HRH3: variants seen among roughly 807,000 people sequenced by gnomAD.
HRH3 encodes histamine H3 receptor.
Under a neutral mutation model 21.6 loss-of-function variants are expected in HRH3, and 13 were observed. That is an observed-to-expected ratio of 0.60 (90% CI 0.39 to 0.96). HRH3 has a LOEUF of 0.96. Ranked by LOEUF, HRH3 falls within the 40% of genes least tolerant of loss-of-function variation. The pLI is 0.00. For synonymous variants in HRH3, 276 were observed against 290.3 expected, an observed-to-expected ratio of 0.95 and a Z score of 0.50; for missense variants, 461 against 622.7, an observed-to-expected ratio of 0.74 and a Z score of 2.76.
Position 62,219,651 on chromosome 20 carries a change from T to G in HRH3, c.250+70A>C. The G allele has an allele frequency of 2.0e-6, 3 of 1,528,050 alleles. No individual in the cohort carries two copies. The South Asian group carries it at 3.6e-5, about 18-fold the overall frequency. The allele number at this position is 1,528,050 out of a possible 1,614,324, so 94.7% of individuals were successfully genotyped here. On this transcript the variant is annotated intron_variant, in intron 1 of 2. Transcript: ENST00000340177. This position sits in a 1 kb window ranked among gnomAD's most constrained non-coding sequence, Gnocchi z 8.7. ...CCTGCGGGAGCCACCCAGGTCCGTG[T>G]TCCAGTCCCCGCTGGCCCGGCCACG... is the stretch of plus-strand genomic sequence containing the variant.
Position 62,216,809 on chromosome 20 carries a change from C to A in HRH3, c.535G>T (p.Gly179Trp). The change falls in exon 3 of 3, where the codon GGG (glycine) becomes TGG (tryptophan). Residue 179 changes from glycine (G) to tryptophan (W), a missense_variant. Physicochemically the swap from Gly to Trp is radical, Grantham distance 184. Transcript: ENST00000340177. Reference sequence around the variant, plus strand: ...TGGCCCTCGGGGATGGAGCTGCCCCCGGACAGGTACTCCCAGCTCAGGATG... The same window carrying A: ...TGGCCCTCGGGGATGGAGCTGCCCCAGGACAGGTACTCCCAGCTCAGGATG... Reference protein sequence around the residue: ...PAILSWEYLSGGSSIPEGHCY... With the variant: ...PAILSWEYLSWGSSIPEGHCY... The A allele has an allele frequency of 6.2e-7, 1 of 1,612,988 alleles. No individual in the cohort carries two copies. The highest frequency in any genetic ancestry group is 8.5e-7 in the Non-Finnish European group (1 of 1,179,988).
intron 2 of HRH3, among the ~76,000 whole-genome samples, chr20:62,217,879 CTCT>C (rs2145889016): frequency 6.6e-6 from 1 of 152,352 alleles, no homozygotes; most frequent in African/African-American, 2.4e-5. Flanking sequence ...TGCACCCTGT[CTCT>C]TAGCCTTTCT....
chr20:62,215,344 G>C lies in HRH3; in HGVS notation c.*662C>G, dbSNP rs754825748. Reference sequence around the variant, plus strand: ...CAGCCCTGAGCTCCTCAGCAATTTTGTCTCTCTTGATTAAACATCCCAGGA... The same window carrying C: ...CAGCCCTGAGCTCCTCAGCAATTTTCTCTCTCTTGATTAAACATCCCAGGA... On this transcript the variant is annotated 3_prime_UTR_variant, in exon 3 of 3. Coordinates refer to ENST00000340177, the MANE Select transcript of HRH3 (RefSeq NM_007232.3). The C allele has an allele frequency of 2.2e-6, 1 of 456,804 alleles. No individual in the cohort carries two copies. The highest frequency in any genetic ancestry group is 4.4e-6 in the Non-Finnish European group (1 of 227,006). 28.3% of individuals were successfully genotyped at this position (456,804 alleles called of 1,614,324 possible). A position where few individuals can be genotyped will look rare whatever the true frequency, so the allele number is the denominator to read the frequency against.
chr20:62,218,641 T>C lies in HRH3; in HGVS notation c.267A>G (p.Pro89=), dbSNP rs775684112. The change falls in exon 2 of 3, where the codon CCA becomes CCG. Residue 89 remains proline (P), a synonymous_variant. Transcript: ENST00000340177. The surrounding 1 kb of genome is among the most constrained non-coding windows in gnomAD (Gnocchi z 5.6). ...SDFLVGAFCI[P]LYVPYVLTGR... ...CTGTCAGCACGTAGGGTACATACAG[T>C]GGGATGCAGAAGGCGCCTGTGGGGA... 1 of 1,611,520 alleles carries C rather than the reference T, an allele frequency of 6.2e-7. No homozygotes were observed. Among genetic ancestry groups the C allele is most frequent in the Non-Finnish European group, 8.5e-7 (1 of 1,179,694 alleles).
Position 62,218,704 on chromosome 20 carries a change from G to A in HRH3, c.251-47C>T. The stretch of plus-strand genomic sequence containing the variant: ...TGGGACCATGCAGCCAGGGGCCAGG[G>A]GACAGACGGACCTAAGCGCAGACAC... On this transcript the variant is annotated intron_variant, in intron 1 of 2. Transcript: ENST00000340177. The surrounding 1 kb of genome is among the most constrained non-coding windows in gnomAD (Gnocchi z 5.6). 1 of 1,583,642 alleles carries A rather than the reference G, an allele frequency of 6.3e-7. No individual in the cohort carries two copies. The highest frequency in any genetic ancestry group is 1.1e-5 in the South Asian group (1 of 89,972).
rs931714326 is a variant in HRH3 at position 62,220,259 on chromosome 20, C to G, written c.-289G>C. ...TGCCGGTGCGACCGTGCAGCCGGAG[C>G]GCAACGCGCAGCCGAGTGCGCCCCG... On this transcript the variant is annotated 5_prime_UTR_variant, in exon 1 of 3. Transcript: ENST00000340177. 9.4e-5 allele frequency: 14 copies of G among 149,490 alleles called. No homozygotes were observed. The highest frequency in any genetic ancestry group is 3.2e-4 in the African/African-American group (13 of 40,902). The allele number at this position is 149,490 out of a possible 1,614,324, so 9.3% of individuals were successfully genotyped here.
Position 62,216,529 on chromosome 20 carries a change from A to G in HRH3, c.815T>C (p.Leu272Pro). The G allele has an allele frequency of 6.2e-7, 1 of 1,600,124 alleles. No homozygotes were observed. Among genetic ancestry groups the G allele is most frequent in the Non-Finnish European group, 8.5e-7 (1 of 1,174,636 alleles). ...WQKGHGEAMP[L>P]HRYGVGEAAV... Reference sequence around the variant, plus strand: ...CGCCTCACCCACCCCATACCTGTGCAGCGGCATGGCCTCCCCGTGCCCCTT... The same window carrying G: ...CGCCTCACCCACCCCATACCTGTGCGGCGGCATGGCCTCCCCGTGCCCCTT... Residue 272 changes from leucine to proline, a missense_variant, in exon 3 of 3, where the codon CTG (leucine) becomes CCG (proline). By Grantham distance (98) the Leu-to-Pro change is moderately conservative. This residue lies in a region of HRH3 where 163 missense variants were observed against 139.4 expected (regional missense o/e 1.17). Transcript: ENST00000340177.
Position 62,216,617 on chromosome 20 carries a change from C to T in HRH3, c.727G>A (p.Glu243Lys), listed in dbSNP as rs200665689. 18 of 1,610,554 alleles carry T rather than the reference C, an allele frequency of 1.1e-5. No individual in the cohort carries two copies. Among genetic ancestry groups the T allele is most frequent in the Middle Eastern group, 1.6e-4 (1 of 6,076 alleles). ...LDGAREAAGPEPPPEAQPSPP... is the reference protein window; with the variant it reads ...LDGAREAAGPKPPPEAQPSPP... The stretch of plus-strand genomic sequence containing the variant: ...GAGGGCTGGGCCTCGGGAGGGGGCT[C>T]GGGGCCGGCTGCCTCTCGAGCCCCA... Residue 243 changes from glutamate (E) to lysine (K), a missense_variant, in exon 3 of 3, where the codon GAG becomes AAG. This residue lies in a region of HRH3 where 163 missense variants were observed against 139.4 expected (regional missense o/e 1.17). Transcript: ENST00000340177.
Position 62,217,012 on chromosome 20 carries a change from C to T in HRH3, c.418-86G>A, listed in dbSNP as rs1978596969. ...CGTAGCCTGTGGGCCCCTATGTGGG[C>T]CCTTCCCTCAGCAGCAATGCTCCTC... On this transcript the variant is annotated intron_variant, in intron 2 of 2. Transcript: ENST00000340177. The T allele has an allele frequency of 3.1e-6, 4 of 1,300,770 alleles. No homozygotes were observed. In the South Asian group the frequency reaches 5.9e-5, roughly 19 times the overall value. 80.6% of individuals were successfully genotyped at this position (1,300,770 alleles called of 1,614,324 possible). A position where few individuals can be genotyped will look rare whatever the true frequency, so the allele number is the denominator to read the frequency against.
Position 62,219,590 on chromosome 20 carries a change from C to A in HRH3, c.250+131G>T. On this transcript the variant is annotated intron_variant, in intron 1 of 2. Transcript: ENST00000340177. This position sits in a 1 kb window ranked among gnomAD's most constrained non-coding sequence, Gnocchi z 8.7. Reference sequence around the variant, plus strand: ...CCCCCACCCCATGGGCTCCGGACGCCCCCTTCCCAGGCCGGGTCCCCTGGT... The same window carrying A: ...CCCCCACCCCATGGGCTCCGGACGCACCCTTCCCAGGCCGGGTCCCCTGGT... 8.2e-7 allele frequency: 1 copy of A among 1,216,712 alleles called. No individual in the cohort carries two copies. Among genetic ancestry groups the A allele is most frequent in the Non-Finnish European group, 1.1e-6 (1 of 901,456 alleles). The allele number at this position is 1,216,712 out of a possible 1,614,324, so 75.4% of individuals were successfully genotyped here. A position where few individuals can be genotyped will look rare whatever the true frequency, so the allele number is the denominator to read the frequency against.
Position 62,219,305 on chromosome 20 carries a change from T to G in HRH3, c.250+416A>C, listed in dbSNP as rs1213127204. 1.3e-5 allele frequency among the ~76,000 whole-genome samples: 1 copy of G among 75,484 alleles called. No homozygotes were observed. The highest frequency in any genetic ancestry group is 2.6e-5 in the Non-Finnish European group (1 of 38,658). The allele number at this position is 75,484 out of a possible 152,430, so 49.5% of individuals were successfully genotyped here. ...CGAGCGTCTCCCCCAACCCCCACCTTCCCCACCGTCCCTTCCCCCAACACA... is the reference window on the plus strand; with the variant it reads ...CGAGCGTCTCCCCCAACCCCCACCTGCCCCACCGTCCCTTCCCCCAACACA... On this transcript the variant is annotated intron_variant, in intron 1 of 2. Transcript: ENST00000340177. The surrounding 1 kb of genome is among the most constrained non-coding windows in gnomAD (Gnocchi z 8.7).
intron 2 of HRH3, 40 bp from the exon 3 acceptor site, chr20:62,216,966 ATATTGGGCT>A (rs1978594518): frequency 6.5e-7 from 1 of 1,536,678 alleles, no homozygotes; most frequent in East Asian, 2.3e-5. Context: ...GGCGGAAGGA[ATATTGGGCT>A]GGGTGCGCCC....
At position 62,216,366 on chromosome 20, in the gene HRH3, C is replaced by G. The variant is rs3787430; in HGVS notation, c.978G>C (p.Pro326=). 3.2e-6 allele frequency: 5 copies of G among 1,571,410 alleles called. No individual in the cohort carries two copies. Among genetic ancestry groups the G allele is most frequent in the South Asian group, 1.2e-5 (1 of 86,834 alleles). Residue 326 remains proline (P), a synonymous_variant, in exon 3 of 3, where the codon CCG becomes CCC. Coordinates refer to ENST00000340177, the MANE Select transcript of HRH3 (RefSeq NM_007232.3). The part of the protein sequence containing the change: ...RPRSLKRGSK[P]SASSASLEKR... Reference sequence around the variant, plus strand: ...TCTCCAGCGAGGCCGAGGACGCCGACGGCTTGGAGCCCCTCTTGAGTGAGC... The same window carrying G: ...TCTCCAGCGAGGCCGAGGACGCCGAGGGCTTGGAGCCCCTCTTGAGTGAGC...
rs1978490851 is a variant in HRH3, at chr20:62,215,387, A to G, written c.*619T>C. 4 of 457,016 alleles carry G rather than the reference A, an allele frequency of 8.8e-6. No individual in the cohort carries two copies. Among genetic ancestry groups the G allele is most frequent in the Non-Finnish European group, 1.8e-5 (4 of 227,072 alleles). The allele number at this position is 457,016 out of a possible 1,614,324, so 28.3% of individuals were successfully genotyped here. A position where few individuals can be genotyped will look rare whatever the true frequency, so the allele number is the denominator to read the frequency against. On this transcript the variant is annotated 3_prime_UTR_variant, in exon 3 of 3. Transcript: ENST00000340177. ...TCCCAGGAACATCAAGTTCACAGAC[A>G]TGTTTTCTTCTTCATCTTTCTGAAA...
Position 62,216,119 on chromosome 20 carries a change from G to A in HRH3, c.1225C>T (p.Pro409Ser). The change falls in exon 3 of 3, where the codon CCT becomes TCT. Residue 409 changes from proline (P) to serine (S), a missense_variant. Physicochemically the swap from Pro to Ser is moderately conservative, Grantham distance 74. This residue lies in a region of HRH3 where 102 missense variants were observed against 166.6 expected (regional missense o/e 0.61). Transcript: ENST00000340177. ...TGGTGGCACAGAGGGTAGAGGACAG[G>A]GTTGACAGCCGAGTTGGCCCACAGG... ...WLLWANSAVN[P>S]VLYPLCHHSF... 3 of 1,613,010 alleles carry A rather than the reference G, an allele frequency of 1.9e-6. No homozygotes were observed. The highest frequency in any genetic ancestry group is 2.5e-6 in the Non-Finnish European group (3 of 1,179,892).
In HRH3 at chr20:62,216,869, C is replaced by G. The variant is rs775340004; in HGVS notation, c.475G>C (p.Val159Leu). The change falls in exon 3 of 3, where the codon GTG (valine) becomes CTG (leucine). Residue 159 changes from valine to leucine, a missense_variant. By Grantham distance (32) the Val-to-Leu change is conservative (BLOSUM62 1). Transcript: ENST00000340177. ...TRRAVRKMLL[V>L]WVLAFLLYGP... is the part of the protein sequence containing the mutation. ...TACAGCAGGAAGGCCAGCACCCACACCAGCAGCATCTTCCGCACTGCCCGC... is the reference window on the plus strand; with the variant it reads ...TACAGCAGGAAGGCCAGCACCCACAGCAGCAGCATCTTCCGCACTGCCCGC... 6.2e-7 allele frequency: 1 copy of G among 1,612,402 alleles called. No homozygotes were observed. Among genetic ancestry groups the G allele is most frequent in the African/African-American group, 1.3e-5 (1 of 75,032 alleles).
At position 62,215,732 on chromosome 20, in the gene HRH3, G is replaced by C. The variant is rs1296615689; in HGVS notation, c.*274C>G. 3 of 528,082 alleles carry C rather than the reference G, an allele frequency of 5.7e-6. No individual in the cohort carries two copies. The African/African-American group carries it at 5.7e-5, about 10-fold the overall frequency. 32.7% of individuals were successfully genotyped at this position (528,082 alleles called of 1,614,324 possible). A position where few individuals can be genotyped will look rare whatever the true frequency, so the allele number is the denominator to read the frequency against. ...GGTGGGCACCAGCAGGGGGTGGGCA[G>C]CATGTCTGGGACCTCCAGACTGTCC... On this transcript the variant is annotated 3_prime_UTR_variant, in exon 3 of 3. Coordinates refer to ENST00000340177, the MANE Select transcript of HRH3 (RefSeq NM_007232.3).
Position 62,215,062 on chromosome 20 carries a change from C to T in HRH3, c.*944G>A. ...ATGCAGAGCGCGTGGCACGGGTGCACAGCACATGGCGAAGCGGCCCCTGCC... is the reference window on the plus strand; with the variant it reads ...ATGCAGAGCGCGTGGCACGGGTGCATAGCACATGGCGAAGCGGCCCCTGCC... On this transcript the variant is annotated 3_prime_UTR_variant, in exon 3 of 3. Transcript: ENST00000340177. 6.3e-6 allele frequency: 2 copies of T among 317,716 alleles called. No homozygotes were observed. The highest frequency in any genetic ancestry group is 1.3e-5 in the Non-Finnish European group (2 of 159,068). The allele number at this position is 317,716 out of a possible 1,614,324, so 19.7% of individuals were successfully genotyped here.
In HRH3 at chr20:62,216,702, G is replaced by C; in HGVS notation, c.642C>G (p.Val214=). Residue 214 remains valine (V), a synonymous_variant, in exon 3 of 3, where the codon GTC becomes GTG. Coordinates refer to ENST00000340177, the MANE Select transcript of HRH3 (RefSeq NM_007232.3). The part of the protein sequence containing the change: ...TLEFFTPFLS[V]TFFNLSIYLN... ...GGTAGATGCTGAGGTTAAAGAAGGTGACGCTGAGGAAGGGCGTAAAGAACT... is the reference window on the plus strand; with the variant it reads ...GGTAGATGCTGAGGTTAAAGAAGGTCACGCTGAGGAAGGGCGTAAAGAACT... 6.2e-7 allele frequency: 1 copy of C among 1,613,278 alleles called. No individual in the cohort carries two copies. The highest frequency in any genetic ancestry group is 8.5e-7 in the Non-Finnish European group (1 of 1,180,000).
Sources: gnomAD v4.1 joint callset for allele counts (sites outside exome capture counted in the v4.1 genomes callset) on GRCh38, gnomAD v4.1.1 for gene constraint, gnomAD v4.1.1 regional missense constraint, Gnocchi (gnomAD v3.1) non-coding constraint, MANE v1.5 for transcripts, NCBI Gene and HGNC (gene_info 2026-07-23, HGNC 2026-07-21) for gene names.